Variants in PCDH9 observed in about 807,000 individuals in gnomAD.
PCDH9 encodes protocadherin 9.
A neutral mutation model predicts 70.6 loss-of-function variants in PCDH9; 24 were observed. That is an observed-to-expected ratio of 0.34 (90% confidence interval 0.25 to 0.48). PCDH9 has a LOEUF of 0.48. Ranked by LOEUF, PCDH9 falls within the 20% of genes least tolerant of loss-of-function variation. PCDH9 has a pLI of 0.99. For missense variants in PCDH9, 1,281 were observed against 1,503.6 expected, an observed-to-expected ratio of 0.85 and a Z score of 2.45; for synonymous variants, 562 against 558.5, an observed-to-expected ratio of 1.01 and a Z score of -0.09.
Position 66,989,160 on chromosome 13 carries a change from T to A in PCDH9, c.3037-85555A>T, listed in dbSNP as rs561965804. Among the ~76,000 whole-genome samples the A allele has an allele frequency of 7.9e-5, 12 of 152,056 alleles. No individual in the cohort carries two copies. The East Asian group carries it at 2.3e-3, about 29-fold the overall frequency. On this transcript the variant is annotated intron_variant, in intron 2 of 4. Coordinates refer to ENST00000377865, the MANE Select transcript of PCDH9 (RefSeq NM_203487.3). The stretch of plus-strand genomic sequence containing the variant: ...TGGTGAATAAGTATTGGAATAAATA[T>A]TATATATGTTACAAATCATGAATTC...
chr13:67,156,595 A>G (rs1279251433), intron 2 of PCDH9, among the ~76,000 whole-genome samples: 1 of 151,976 alleles, frequency 6.6e-6, no homozygotes, highest in Non-Finnish European at 1.5e-5. Flanking sequence ...AGCTACTTCC[A>G]CTCAATAAAA....
rs559817519 is a variant in PCDH9 at position 66,863,155 on chromosome 13, C to T, written c.3138+40349G>A. Among the ~76,000 whole-genome samples, 7 of 152,194 alleles carry T rather than the reference C, an allele frequency of 4.6e-5. No homozygotes were observed. In the South Asian group the frequency reaches 1.5e-3, roughly 32 times the overall value. The stretch of plus-strand genomic sequence containing the variant: ...GGCTGCAGTAGTGTTAATAAACAAA[C>T]AAAAGCAAGATACAAATAAAAACTG... On this transcript the variant is annotated intron_variant, in intron 3 of 4. Coordinates refer to ENST00000377865, the MANE Select transcript of PCDH9 (RefSeq NM_203487.3).
chr13:67,164,395 T>G (rs1169099880), intron 2 of PCDH9, among the ~76,000 whole-genome samples: 1 of 151,728 alleles, frequency 6.6e-6, no homozygotes, highest in Non-Finnish European at 1.5e-5. Flanking sequence ...GCCAAGATAA[T>G]GAAACCCTGT....
intron 2 of PCDH9, among the ~76,000 whole-genome samples, chr13:66,912,402 A>G (rs542265779): frequency 1.3e-5 from 2 of 152,274 alleles, no homozygotes; most frequent in South Asian, 2.1e-4. Flanking sequence ...TTAACTGCAT[A>G]TATGAGCCTA....
At chr13:66,696,988 C>T (rs951634995) in intron 3 of PCDH9, among the ~76,000 whole-genome samples, 2 of 151,830 alleles carry the variant, frequency 1.3e-5, no homozygotes, top group Non-Finnish European at 2.9e-5. Flanking sequence ...GTCTCGGCTA[C>T]TCAGGAGGCT....
Position 66,346,863 on chromosome 13 carries a change from A to G in PCDH9, c.3341-41835T>C, listed in dbSNP as rs370535002. Reference sequence around the variant, plus strand: ...CCTCACAGCTCTGTGAATTACAAACACTCTAAGTATTTGTATTAATTTTAA... The same window carrying G: ...CCTCACAGCTCTGTGAATTACAAACGCTCTAAGTATTTGTATTAATTTTAA... On this transcript the variant is annotated intron_variant, in intron 4 of 4. Coordinates refer to ENST00000377865, the MANE Select transcript of PCDH9 (RefSeq NM_203487.3). Among the ~76,000 whole-genome samples, 5 of 152,062 alleles carry G rather than the reference A, an allele frequency of 3.3e-5. No individual in the cohort carries two copies. The East Asian group carries it at 5.8e-4, about 18-fold the overall frequency.
At position 66,390,436 on chromosome 13, in the gene PCDH9, T is replaced by C. The variant is rs370577507; in HGVS notation, c.3341-85408A>G. On this transcript the variant is annotated intron_variant, in intron 4 of 4. Transcript: ENST00000377865. ...TAAATGGATAGGACAGCTAGAGGTT[T>C]TGTAAAAATCTGGGCAAGGCCAGGT... Among the ~76,000 whole-genome samples, 46 of 152,114 alleles carry C rather than the reference T, an allele frequency of 3.0e-4. 1 individual carries two copies. The South Asian group carries it at 8.9e-3, about 29-fold the overall frequency.
chr13:66,623,581 G>A (rs975189296), intron 4 of PCDH9, among the ~76,000 whole-genome samples: 1 of 152,156 alleles, frequency 6.6e-6, no homozygotes, highest in Non-Finnish European at 1.5e-5. Flanking sequence ...TAGGACTGCA[G>A]GCACAAACAA....
At chr13:66,887,606 G>A (rs571245919) in intron 3 of PCDH9, among the ~76,000 whole-genome samples, 12 of 152,168 alleles carry the variant, frequency 7.9e-5, no homozygotes, top group Non-Finnish European at 1.5e-4. Context: ...ACTAGCTGCT[G>A]CTATACGTAA....
chr13:66,373,955 T>C (rs1361705980), intron 4 of PCDH9, among the ~76,000 whole-genome samples: 3 of 152,074 alleles, frequency 2.0e-5, no homozygotes, highest in African/African-American at 7.2e-5. Flanking sequence ...CAAAAATACA[T>C]TTATTAGTGT....
intron 3 of PCDH9, among the ~76,000 whole-genome samples, chr13:66,662,310 T>C (rs2078021658): frequency 6.6e-6 from 1 of 151,964 alleles, no homozygotes; most frequent in African/African-American, 2.4e-5. Context: ...CCGTCTCTAC[T>C]AAAAATACAA....
At chr13:67,052,690 T>G (rs2139933524) in intron 2 of PCDH9, among the ~76,000 whole-genome samples, 1 of 152,148 alleles carries the variant, frequency 6.6e-6, no homozygotes, top group African/African-American at 2.4e-5. Flanking sequence ...GTGGGTTGAC[T>G]TAGGGAAGTG....
At chr13:66,311,614 CA>C (rs1435389016) in intron 4 of PCDH9, among the ~76,000 whole-genome samples, 1 of 152,060 alleles carries the variant, frequency 6.6e-6, no homozygotes, top group Non-Finnish European at 1.5e-5. Context: ...CAAATCTAAA[CA>C]TGGTAAAATT....
chr13:66,999,260 A>T (rs1488216662), intron 2 of PCDH9, among the ~76,000 whole-genome samples: 1 of 152,188 alleles, frequency 6.6e-6, no homozygotes, highest in Non-Finnish European at 1.5e-5. Context: ...GGCAAAGTTG[A>T]GATACAGGTT....
chr13:66,732,783 A>T (rs1398361439), intron 3 of PCDH9, among the ~76,000 whole-genome samples: 1 of 152,034 alleles, frequency 6.6e-6, no homozygotes, highest in African/African-American at 2.4e-5. Context: ...ATGAAAAATT[A>T]GACTATTAAG....
rs945731589 is a variant in PCDH9 at position 66,798,816 on chromosome 13, CG to C, written c.3138+104687del. On this transcript the variant is annotated intron_variant, in intron 3 of 4. Coordinates refer to ENST00000377865, the MANE Select transcript of PCDH9 (RefSeq NM_203487.3). ...CTATATGATGCTTATTCCTGTTCCT[CG>C]TTTTTTTTTTCTTTTTGAGACACAG... Among the ~76,000 whole-genome samples, 30 of 31,428 alleles carry C rather than the reference CG, an allele frequency of 9.5e-4. No homozygotes were observed. The Non-Finnish European group carries it at 0.048, about 51-fold the overall frequency. The allele number at this position is 31,428 out of a possible 152,430, so 20.6% of individuals were successfully genotyped here.
intron 3 of PCDH9, among the ~76,000 whole-genome samples, chr13:66,840,844 C>T (rs1030243110): frequency 2.6e-5 from 4 of 152,142 alleles, no homozygotes; most frequent in African/African-American, 7.2e-5. Flanking sequence ...GGGAAATCCC[C>T]GAAGGGAGGT....
At chr13:66,956,755 C>A in intron 2 of PCDH9, among the ~76,000 whole-genome samples, 1 of 152,080 alleles carries the variant, frequency 6.6e-6, no homozygotes, top group East Asian at 1.9e-4. Context: ...ATCTCAAAAA[C>A]AAACAAACAA....
intron 4 of PCDH9, among the ~76,000 whole-genome samples, chr13:66,377,166 C>A (rs1426942319): frequency 6.6e-6 from 1 of 152,054 alleles, no homozygotes; most frequent in African/African-American, 2.4e-5. Flanking sequence ...GCACATGGAC[C>A]GAAGTGGGAC....
Sources: allele counts gnomAD v4.1 joint callset (sites outside exome capture counted in the v4.1 genomes callset), GRCh38; gene constraint gnomAD v4.1.1; transcripts MANE v1.5; gene names NCBI Gene and HGNC (gene_info 2026-07-23, HGNC 2026-07-21).